CACNA1G: variants seen among roughly 807,000 people sequenced by gnomAD.
The protein encoded by CACNA1G is voltage-dependent T-type calcium channel subunit alpha-1G.
A neutral mutation model predicts 219.4 loss-of-function variants in CACNA1G; 67 were observed. The ratio of observed to expected loss-of-function variants is 0.31; its 90% CI spans 0.25 to 0.37. The LOEUF (loss-of-function observed/expected upper bound fraction) is 0.37, where lower values mean the gene tolerates loss of function less well. Among genes scored for constraint, CACNA1G ranks in the 10% least tolerant of loss-of-function variants. CACNA1G has a pLI of 1.00. For missense variants in CACNA1G, 2,380 were observed against 3,231.4 expected (o/e 0.74, Z 6.39); for synonymous variants, 1,296 against 1,345.3 (o/e 0.96, Z 0.80).
chr17:50,596,821 G>A lies in CACNA1G; in HGVS notation c.3156G>A (p.Lys1052=). Residue 1052 remains lysine (K), a synonymous_variant, in exon 16 of 38, where the codon AAG becomes AAA. Transcript: ENST00000359106. This position sits in a 1 kb window ranked among gnomAD's most constrained non-coding sequence, Gnocchi z 4.8. Reference sequence around the variant, plus strand: ...CCGCCACACCCATGTCGCTGCCCAAGAGCACCAGCACGGGCCTGGGCGAGG... The same window carrying A: ...CCGCCACACCCATGTCGCTGCCCAAAAGCACCAGCACGGGCCTGGGCGAGG... ...HTAATPMSLP[K]STSTGLGEAL... The A allele has an allele frequency of 6.2e-7, 1 of 1,610,386 alleles. No individual in the cohort carries two copies. Among genetic ancestry groups the A allele is most frequent in the Non-Finnish European group, 8.5e-7 (1 of 1,179,184 alleles).
chr17:50,604,895 A>G (rs2047616130), intron 22 of CACNA1G, among the ~76,000 whole-genome samples: 1 of 152,166 alleles, frequency 6.6e-6, no homozygotes. Context: ...TGCAGGGTAG[A>G]CAGCTGGCTG....
chr17:50,602,676 G>A, intron 19 of CACNA1G, 144 bp from the exon 20 acceptor site: 1 of 684,458 alleles, frequency 1.5e-6, no homozygotes. Flanking sequence ...GTATGAGAGG[G>A]GCGTGATCTA....
chr17:50,572,483 TC>T, intron 5 of CACNA1G, 70 bp from the exon 6 acceptor site: 2 of 1,331,518 alleles, frequency 1.5e-6, no homozygotes, highest in Non-Finnish European at 2.0e-6. Context: ...GTGCCATCTC[TC>T]CCTTCCTGGG....
chr17:50,568,862 G>A lies in CACNA1G; in HGVS notation c.243-8G>A. ...GCCTTGGCCAGCTGTTTCCTTGACT[G>A]CCAGTACCTGGTTTGAGCGCATCAG... On this transcript the variant is annotated splice_polypyrimidine_tract_variant and splice_region_variant and intron_variant, in intron 1 of 37. Transcript: ENST00000359106. 1 of 1,611,696 alleles carries A rather than the reference G, an allele frequency of 6.2e-7. No individual in the cohort carries two copies. Among genetic ancestry groups the A allele is most frequent in the South Asian group, 1.1e-5 (1 of 91,030 alleles).
chr17:50,565,382 T>TGGGGG (rs150507135), intron 1 of CACNA1G, among the ~76,000 whole-genome samples: 8 of 113,420 alleles, frequency 7.1e-5, no homozygotes, highest in East Asian at 3.1e-4. Flanking sequence ...GCTTGTGGGG[T>TGGGGG]GGGGCGGGGG....
chr17:50,609,964 G>C (rs375808858), intron 26 of CACNA1G, 29 bp downstream of exon 26: 1 of 1,595,646 alleles, frequency 6.3e-7, no homozygotes, highest in Non-Finnish European at 8.6e-7. Flanking sequence ...GGGCTCATGC[G>C]TGTGGGGACA....
intron 1 of CACNA1G, among the ~76,000 whole-genome samples, chr17:50,567,371 G>C (rs2038192126): frequency 1.3e-5 from 2 of 152,192 alleles, no homozygotes; most frequent in Admixed American, 1.3e-4. Context: ...GGGTGGTGGA[G>C]AAGAGACAGG....
chr17:50,594,602 C>T (rs771204779), intron 13 of CACNA1G, among the ~76,000 whole-genome samples: 18 of 152,142 alleles, frequency 1.2e-4, no homozygotes, highest in Non-Finnish European at 2.1e-4. Context: ...CTCCAAATCT[C>T]GGGTTTCTCT....
At chr17:50,565,744 C>T (rs907568014) in intron 1 of CACNA1G, among the ~76,000 whole-genome samples, 2 of 152,154 alleles carry the variant, frequency 1.3e-5, no homozygotes, top group Admixed American at 6.5e-5. Context: ...GGCTGCCAGG[C>T]TAAGCAAGGG....
At position 50,617,899 on chromosome 17, in the gene CACNA1G, G is replaced by C; in HGVS notation, c.5196G>C (p.Leu1732=). 6.2e-7 allele frequency: 1 copy of C among 1,613,772 alleles called. No homozygotes were observed. The highest frequency in any genetic ancestry group is 1.3e-5 in the African/African-American group (1 of 75,068). The stretch of plus-strand genomic sequence containing the variant: ...AGATGGCTGTGGGCATGCGGGCGCT[G>C]CTGGACACGGTGATGCAGGCCCTGC... ...LLKMAVGMRA[L]LDTVMQALPQ... is the part of the protein sequence containing the mutation. The change falls in exon 30 of 38, where the codon CTG becomes CTC. Residue 1732 remains leucine (L), a synonymous_variant. Transcript: ENST00000359106. The surrounding 1 kb of genome is among the most constrained non-coding windows in gnomAD (Gnocchi z 5.8).
intron 36 of CACNA1G, 56 bp downstream of exon 36, chr17:50,624,131 T>A: frequency 6.3e-7 from 1 of 1,577,760 alleles, no homozygotes; most frequent in South Asian, 1.1e-5. Context: ...CATCCTGGCC[T>A]AAGCCAGTCC....
chr17:50,588,567 G>C (rs991065873), intron 9 of CACNA1G, among the ~76,000 whole-genome samples: 3 of 152,188 alleles, frequency 2.0e-5, no homozygotes, highest in South Asian at 4.1e-4. Flanking sequence ...CCCACCTCCT[G>C]TACTGTGCTC....
In CACNA1G at chr17:50,571,847, G is replaced by C; in HGVS notation, c.587-31G>C. ...GCAGTCAGCCTAGCCCGGCCAGCCT[G>C]GTGTCCCCAGCGTGGCTTCTGCCCC... On this transcript the variant is annotated intron_variant, in intron 4 of 37. Transcript: ENST00000359106. This position sits in a 1 kb window ranked among gnomAD's most constrained non-coding sequence, Gnocchi z 4.3. 6.2e-7 allele frequency: 1 copy of C among 1,610,744 alleles called. No homozygotes were observed. The highest frequency in any genetic ancestry group is 8.5e-7 in the Non-Finnish European group (1 of 1,179,008).
rs141867199 is a variant in CACNA1G, at chr17:50,616,807, T to C, written c.5021+423T>C. ...AAATAATAGTATCCACATCACAGAG[T>C]TGTGAGATTATGAATTCCTATTTGG... On this transcript the variant is annotated intron_variant, in intron 28 of 37. Coordinates refer to ENST00000359106, the MANE Select transcript of CACNA1G (RefSeq NM_018896.5). Among the ~76,000 whole-genome samples, 65 of 152,112 alleles carry C rather than the reference T, an allele frequency of 4.3e-4. No homozygotes were observed. The East Asian group carries it at 0.011, about 27-fold the overall frequency.
At chr17:50,566,501 G>A (rs911245056) in intron 1 of CACNA1G, among the ~76,000 whole-genome samples, 2 of 152,248 alleles carry the variant, frequency 1.3e-5, no homozygotes, top group African/African-American at 4.8e-5. Flanking sequence ...TGTGCATGAG[G>A]TTATTCGGGG....
intron 16 of CACNA1G, among the ~76,000 whole-genome samples, chr17:50,599,218 A>G (rs574337103): frequency 6.6e-6 from 1 of 152,386 alleles, no homozygotes; most frequent in East Asian, 1.9e-4. Context: ...ATGAGGAAAC[A>G]GATGCACAGA....
intron 1 of CACNA1G, among the ~76,000 whole-genome samples, chr17:50,566,318 TC>T (rs1479416579): frequency 7.1e-6 from 1 of 140,340 alleles, no homozygotes; most frequent in Non-Finnish European, 1.6e-5. Flanking sequence ...CCCCCCCCCA[TC>T]AATTATTCCT....
chr17:50,572,448 C>G (rs539300975), intron 5 of CACNA1G, 106 bp from the exon 6 acceptor site: 11 of 971,402 alleles, frequency 1.1e-5, no homozygotes, highest in Non-Finnish European at 7.5e-6. Flanking sequence ...TTCTGCCCTG[C>G]TCACCCTATA....
intron 1 of CACNA1G, chr17:50,563,800 G>A (rs2036789028): frequency 6.6e-6 from 1 of 152,262 alleles, no homozygotes; most frequent in Non-Finnish European, 1.5e-5. Flanking sequence ...GATGGGTTGA[G>A]AACAATTTTT....
Sources: gnomAD v4.1 joint callset for allele counts (sites outside exome capture counted in the v4.1 genomes callset) on GRCh38, gnomAD v4.1.1 for gene constraint, Gnocchi (gnomAD v3.1) non-coding constraint, MANE v1.5 for transcripts, NCBI Gene and HGNC (gene_info 2026-07-23, HGNC 2026-07-21) for gene names.